Variants in GALNTL6 observed in about 807,000 individuals in gnomAD.
GALNTL6 encodes the protein polypeptide N-acetylgalactosaminyltransferase like 6.
GALNTL6 carries 46 observed loss-of-function variants against 73.7 expected under a neutral mutation model. The observed-to-expected ratio is 0.62, with a 90% confidence interval of 0.49 to 0.80. GALNTL6 has a LOEUF of 0.80. Among genes scored for constraint, GALNTL6 ranks in the 30% least tolerant of loss-of-function variants. The probability of loss-of-function intolerance (pLI) is 0.00; values close to 1 mark genes in which losing one functional copy is unlikely to be tolerated. For synonymous variants in GALNTL6, 259 were observed against 263.7 expected (o/e 0.98, Z 0.17); for missense variants, 604 against 755.0 (o/e 0.80, Z 2.34).
chr4:172,934,527 A>T (rs1202289512), intron 9 of GALNTL6, among the ~76,000 whole-genome samples: 2 of 152,174 alleles, frequency 1.3e-5, no homozygotes, highest in South Asian at 2.1e-4. Flanking sequence ...AAATGTAAAA[A>T]CCTAGGACAC....
intron 5 of GALNTL6, among the ~76,000 whole-genome samples, chr4:172,529,022 C>CAT (rs1170228843): frequency 5.2e-4 from 46 of 88,286 alleles, no homozygotes; most frequent in South Asian, 1.6e-3. Context: ...CACACACACA[C>CAT]ATATATATAT....
At chr4:172,145,585 A>T (rs1247336406) in intron 2 of GALNTL6, among the ~76,000 whole-genome samples, 3 of 152,172 alleles carry the variant, frequency 2.0e-5, no homozygotes, top group Non-Finnish European at 4.4e-5. Flanking sequence ...CTCAGTCTCA[A>T]CCATTCTTTA....
intron 8 of GALNTL6, among the ~76,000 whole-genome samples, chr4:172,919,412 G>T (rs371339255): frequency 1.5e-4 from 23 of 152,080 alleles, no homozygotes; most frequent in African/African-American, 5.5e-4. Flanking sequence ...TTCATTTTCC[G>T]CTTCACCACC....
intron 8 of GALNTL6, among the ~76,000 whole-genome samples, chr4:172,913,630 G>A (rs1336731963): frequency 6.6e-6 from 1 of 152,152 alleles, no homozygotes; most frequent in African/African-American, 2.4e-5. Flanking sequence ...TCAAGTGGAA[G>A]AAAGGGTATC....
chr4:172,911,760 T>A (rs557017788), intron 8 of GALNTL6, among the ~76,000 whole-genome samples: 7 of 152,350 alleles, frequency 4.6e-5, no homozygotes, highest in African/African-American at 1.7e-4. Flanking sequence ...CAAGTTAAAT[T>A]TTATGTCTAT....
intron 5 of GALNTL6, among the ~76,000 whole-genome samples, chr4:172,807,638 C>T (rs1489737040): frequency 1.3e-5 from 2 of 152,192 alleles, no homozygotes; most frequent in African/African-American, 4.8e-5. Context: ...ATGACCTACT[C>T]ATATGTATCA....
intron 5 of GALNTL6, among the ~76,000 whole-genome samples, chr4:172,431,446 A>C (rs1027563973): frequency 7.2e-5 from 11 of 152,152 alleles, no homozygotes; most frequent in East Asian, 5.8e-4. Flanking sequence ...ATGGCTATTT[A>C]CACCCCTTAA....
chr4:172,951,969 G>A (rs1284312207), intron 9 of GALNTL6, 68 bp from the exon 10 acceptor site: 1 of 1,297,980 alleles, frequency 7.7e-7, no homozygotes, highest in East Asian at 2.3e-5. Flanking sequence ...TTCAATTTCT[G>A]GTGCAACAAA....
intron 3 of GALNTL6, among the ~76,000 whole-genome samples, chr4:172,281,481 G>A (rs1447066995): frequency 6.6e-6 from 1 of 152,078 alleles, no homozygotes; most frequent in Non-Finnish European, 1.5e-5. Flanking sequence ...GATCACTTGA[G>A]GTCAGGAGTT....
intron 2 of GALNTL6, among the ~76,000 whole-genome samples, chr4:172,177,764 TATATGTACAC>T (rs1353637403): frequency 3.5e-5 from 5 of 142,466 alleles, no homozygotes; most frequent in African/African-American, 1.4e-4. Context: ...TGTGTGTATA[TATATGTACAC>T]ATATATACAC....
At chr4:171,921,759 G>A (rs76205453) in intron 2 of GALNTL6, among the ~76,000 whole-genome samples, 5,810 of 152,066 alleles carry the variant, frequency 0.038, 344 homozygotes, top group African/African-American at 0.12. Context: ...CCCCTGACAA[G>A]TAGTTTTTAA....
intron 11 of GALNTL6, among the ~76,000 whole-genome samples, chr4:173,013,796 T>G (rs1319731820): frequency 6.6e-6 from 1 of 152,206 alleles, no homozygotes. Flanking sequence ...GTTTGAAATA[T>G]TGCCATATAT....
intron 2 of GALNTL6, among the ~76,000 whole-genome samples, chr4:172,229,149 T>C (rs1186942725): frequency 2.0e-5 from 3 of 152,206 alleles, no homozygotes; most frequent in Non-Finnish European, 4.4e-5. Flanking sequence ...CTCGAGGCTA[T>C]CATAAAGATT....
In GALNTL6 at chr4:172,491,494, A is replaced by G. The variant is rs1733891387; in HGVS notation, c.553+142805A>G. Among the ~76,000 whole-genome samples the G allele has an allele frequency of 3.3e-5, 5 of 152,096 alleles. 1 individual carries two copies. The South Asian group carries it at 1.0e-3, about 31-fold the overall frequency. ...CTCATCCAAGTTCTGGCTCGTATTG[A>G]CAATTTGAGTAATAAAAGTTTGTGA... is the stretch of plus-strand genomic sequence containing the variant. On this transcript the variant is annotated intron_variant, in intron 5 of 12. Transcript: ENST00000506823.
chr4:171,964,823 C>T (rs1739338350), intron 2 of GALNTL6, among the ~76,000 whole-genome samples: 1 of 152,166 alleles, frequency 6.6e-6, no homozygotes, highest in Non-Finnish European at 1.5e-5. Flanking sequence ...GCAAAGCTTC[C>T]TTGCCCAACA....
chr4:171,943,155 C>A (rs1379556109), intron 2 of GALNTL6, among the ~76,000 whole-genome samples: 1 of 152,158 alleles, frequency 6.6e-6, no homozygotes, highest in African/African-American at 2.4e-5. Flanking sequence ...GCATTAAATT[C>A]ATTAAACAGT....
intron 2 of GALNTL6, among the ~76,000 whole-genome samples, chr4:171,831,381 T>C (rs764090677): frequency 2.6e-5 from 4 of 151,828 alleles, no homozygotes; most frequent in Non-Finnish European, 5.9e-5. Context: ...CTTACTGTTA[T>C]GATAATTAAA....
At chr4:172,426,325 G>A (rs993565088) in intron 5 of GALNTL6, among the ~76,000 whole-genome samples, 1 of 126,856 alleles carries the variant, frequency 7.9e-6, no homozygotes, top group Non-Finnish European at 1.7e-5. Flanking sequence ...TAACATTGGT[G>A]AATCTGTAGT....
At chr4:172,461,727 A>G (rs1000585941) in intron 5 of GALNTL6, among the ~76,000 whole-genome samples, 1 of 152,224 alleles carries the variant, frequency 6.6e-6, no homozygotes, top group Admixed American at 6.5e-5. Flanking sequence ...ATAAGGTCAG[A>G]GTTACTACTT....
Sources: allele counts gnomAD v4.1 joint callset (sites outside exome capture counted in the v4.1 genomes callset), GRCh38; gene constraint gnomAD v4.1.1; transcripts MANE v1.5; gene names NCBI Gene and HGNC (gene_info 2026-07-23, HGNC 2026-07-21).